The following SLC4A4 variants were observed in gnomAD, a reference collection of about 807,000 sequenced individuals.
SLC4A4 encodes solute carrier family 4 member 4, also known as electrogenic sodium bicarbonate cotransporter 1.
SLC4A4 carries 27 observed loss-of-function variants against 111.5 expected under a neutral mutation model. That is an observed-to-expected ratio of 0.24 (90% CI 0.18 to 0.33). SLC4A4 has a LOEUF of 0.33. Among genes scored for constraint, SLC4A4 ranks in the 10% least tolerant of loss-of-function variants. The pLI is 1.00. For synonymous variants in SLC4A4, 443 were observed against 463.4 expected (o/e 0.96, Z 0.57); for missense variants, 909 against 1,315.5 (o/e 0.69, Z 4.78).
intron 2 of SLC4A4, among the ~76,000 whole-genome samples, chr4:71,142,043 G>C (rs991426313): frequency 6.6e-6 from 1 of 152,170 alleles, no homozygotes; most frequent in African/African-American, 2.4e-5. Context: ...CATCAGACCT[G>C]ATCTCAAACT....
intron 16 of SLC4A4, among the ~76,000 whole-genome samples, chr4:71,520,105 A>G (rs1046666819): frequency 6.6e-6 from 1 of 152,222 alleles, no homozygotes; most frequent in African/African-American, 2.4e-5. Flanking sequence ...CTTAAACATT[A>G]TACATAAGAC....
chr4:71,380,824 T>G (rs1718067545), intron 6 of SLC4A4, among the ~76,000 whole-genome samples: 3 of 152,196 alleles, frequency 2.0e-5, no homozygotes, highest in Non-Finnish European at 4.4e-5. Context: ...CTCTCTACTC[T>G]CAGGTTTCCT....
chr4:71,168,565 A>AT (rs548370484), intron 2 of SLC4A4, among the ~76,000 whole-genome samples: 3 of 151,866 alleles, frequency 2.0e-5, no homozygotes, highest in Non-Finnish European at 1.5e-5. Flanking sequence ...AATTCTTTCT[A>AT]TTTTTTTGTA....
At chr4:71,485,104 T>G (rs144404283) in intron 14 of SLC4A4, among the ~76,000 whole-genome samples, 1,804 of 151,946 alleles carry the variant, frequency 0.012, 40 homozygotes, top group African/African-American at 0.04. Flanking sequence ...TTTGACTTCC[T>G]CTCTTCCTAT....
intron 2 of SLC4A4, among the ~76,000 whole-genome samples, chr4:71,097,295 G>A: frequency 6.6e-6 from 1 of 152,036 alleles, no homozygotes; most frequent in Admixed American, 6.6e-5. Flanking sequence ...TTGTTCCTGG[G>A]TTAGTTTGCC....
intron 7 of SLC4A4, among the ~76,000 whole-genome samples, chr4:71,419,348 C>A (rs1464249750): frequency 1.3e-5 from 2 of 152,188 alleles, no homozygotes; most frequent in Admixed American, 6.5e-5. Context: ...TGGGCTCCAC[C>A]CAGTTGGAGC....
At chr4:71,556,988 C>T (rs567161865) in intron 21 of SLC4A4, among the ~76,000 whole-genome samples, 1 of 152,016 alleles carries the variant, frequency 6.6e-6, no homozygotes, top group Non-Finnish European at 1.5e-5. Context: ...GTCAATTCGG[C>T]AGTTATTCTT....
intron 1 of SLC4A4, among the ~76,000 whole-genome samples, chr4:71,092,289 A>T (rs1260148373): frequency 6.6e-6 from 1 of 152,196 alleles, no homozygotes; most frequent in East Asian, 1.9e-4. Context: ...CATATGGTTG[A>T]TGGATTTCAA....
chr4:71,570,536 G>C lies in SLC4A4; in HGVS notation c.*2785G>C, dbSNP rs972511823. 3.3e-5 allele frequency: 5 copies of C among 152,152 alleles called. No individual in the cohort carries two copies. Among genetic ancestry groups the C allele is most frequent in the African/African-American group, 1.2e-4 (5 of 41,384 alleles). The allele number at this position is 152,152 out of a possible 1,614,324, so 9.4% of individuals were successfully genotyped here. On this transcript the variant is annotated 3_prime_UTR_variant, in exon 26 of 26. Transcript: ENST00000264485. Reference sequence around the variant, plus strand: ...ATGAACCAGATTTGGTGGTGGTTTTGTTTCTATGCAAACTGGACACAAATT... The same window carrying C: ...ATGAACCAGATTTGGTGGTGGTTTTCTTTCTATGCAAACTGGACACAAATT...
intron 2 of SLC4A4, among the ~76,000 whole-genome samples, chr4:71,177,457 A>G (rs1218871314): frequency 6.6e-6 from 1 of 152,190 alleles, no homozygotes; most frequent in Non-Finnish European, 1.5e-5. Context: ...AGACACACAT[A>G]GGCTCAAAAT....
At chr4:71,519,590 A>C (rs2149190048) in intron 16 of SLC4A4, among the ~76,000 whole-genome samples, 1 of 152,322 alleles carries the variant, frequency 6.6e-6, no homozygotes, top group East Asian at 1.9e-4. Flanking sequence ...ATTTACAGCT[A>C]AGTAATAATA....
At chr4:71,550,242 A>G (rs1406230028) in intron 20 of SLC4A4, among the ~76,000 whole-genome samples, 1 of 152,006 alleles carries the variant, frequency 6.6e-6, no homozygotes, top group Non-Finnish European at 1.5e-5. Flanking sequence ...AAAACAGTCA[A>G]GGATTCGCAG....
At position 71,221,689 on chromosome 4, in the gene SLC4A4, A is replaced by C. The variant is rs149668285; in HGVS notation, c.-1-14887A>C. ...GTAGGCGAGGTTTCAAGTGGCAACA[A>C]CTTGAGTCATGAACTTTGGAGCTAG... On this transcript the variant is annotated intron_variant, in intron 1 of 25. Coordinates refer to ENST00000264485, the MANE Select transcript of SLC4A4 (RefSeq NM_001098484.3). 4.6e-5 allele frequency among the ~76,000 whole-genome samples: 7 copies of C among 152,324 alleles called. No homozygotes were observed. In the East Asian group the frequency reaches 1.2e-3, roughly 25 times the overall value.
intron 2 of SLC4A4, among the ~76,000 whole-genome samples, chr4:71,120,747 AAT>A (rs1743389916): frequency 6.6e-6 from 1 of 152,150 alleles, no homozygotes; most frequent in African/African-American, 2.4e-5. Context: ...GGGTGCCTGT[AAT>A]CCCAGTGAGA....
At chr4:71,278,683 T>A (rs750126039) in intron 3 of SLC4A4, among the ~76,000 whole-genome samples, 1 of 152,238 alleles carries the variant, frequency 6.6e-6, no homozygotes, top group Non-Finnish European at 1.5e-5. Flanking sequence ...TGCATTTCCC[T>A]GATGATTAGT....
chr4:71,447,497 C>T (rs1420478168), intron 8 of SLC4A4, 149 bp from the exon 9 acceptor site: 3 of 684,628 alleles, frequency 4.4e-6, no homozygotes, highest in Non-Finnish European at 8.1e-6. Flanking sequence ...AGAGTATATT[C>T]TGTACTACCA....
At chr4:71,369,285 G>T (rs1027172072) in intron 6 of SLC4A4, among the ~76,000 whole-genome samples, 1 of 152,204 alleles carries the variant, frequency 6.6e-6, no homozygotes, top group African/African-American at 2.4e-5. Context: ...AGTCGTAATT[G>T]CTGACTTATT....
chr4:71,286,396 T>C (rs566626978), intron 3 of SLC4A4, among the ~76,000 whole-genome samples: 1 of 152,206 alleles, frequency 6.6e-6, no homozygotes, highest in African/African-American at 2.4e-5. Flanking sequence ...TAAAGGACCA[T>C]ATGCTTTTGT....
At chr4:71,258,627 C>A (rs1721628673) in intron 3 of SLC4A4, among the ~76,000 whole-genome samples, 1 of 152,220 alleles carries the variant, frequency 6.6e-6, no homozygotes, top group African/African-American at 2.4e-5. Context: ...GTAAGCATTG[C>A]TTTAATTGGT....
Sources: gnomAD v4.1 joint callset for allele counts (sites outside exome capture counted in the v4.1 genomes callset) on GRCh38, gnomAD v4.1.1 for gene constraint, MANE v1.5 for transcripts, NCBI Gene and HGNC (gene_info 2026-07-23, HGNC 2026-07-21) for gene names.